The following NMNAT3 variants were observed in gnomAD, a reference collection of about 807,000 sequenced individuals.
NMNAT3 encodes the protein nicotinamide nucleotide adenylyltransferase 3.
In NMNAT3, 21 loss-of-function variants were observed where a neutral mutation model predicts 24.8. The ratio of observed to expected loss-of-function variants is 0.85; its 90% CI spans 0.60 to 1.22. The LOEUF is 1.22. Ranked by LOEUF, NMNAT3 falls within the 50% of genes most tolerant of loss-of-function variation. NMNAT3 has a pLI of 0.00. For synonymous variants in NMNAT3, 136 were observed against 155.2 expected (o/e 0.88, Z 0.92); for missense variants, 387 against 436.6 (o/e 0.89, Z 1.01).
chr3:139,596,939 TATATATATATATATATA>T (rs1478035885), intron 3 of NMNAT3, among the ~76,000 whole-genome samples: 1,492 of 111,072 alleles, frequency 0.013, 73 homozygotes, highest in African/African-American at 0.062. Context: ...TATATATATA[TATATATATATATATATA>T]TATATATATT....
chr3:139,662,253 C>A (rs1348580109), intron 1 of NMNAT3, among the ~76,000 whole-genome samples: 3 of 152,112 alleles, frequency 2.0e-5, no homozygotes, highest in African/African-American at 7.2e-5. Flanking sequence ...GTCTAAGAGG[C>A]TGGATCTGGA....
chr3:139,648,178 A>G (rs2056933604), intron 1 of NMNAT3, among the ~76,000 whole-genome samples: 1 of 152,156 alleles, frequency 6.6e-6, no homozygotes, highest in Non-Finnish European at 1.5e-5. Flanking sequence ...AGTTCTCACA[A>G]GATCTGATCA....
chr3:139,591,423 G>T (rs1413004953), intron 3 of NMNAT3, among the ~76,000 whole-genome samples: 3 of 152,102 alleles, frequency 2.0e-5, no homozygotes, highest in African/African-American at 7.2e-5. Flanking sequence ...GGCTTGCTTA[G>T]GTAAACAAAG....
At chr3:139,640,043 G>A (rs2056645448) in intron 1 of NMNAT3, among the ~76,000 whole-genome samples, 1 of 152,214 alleles carries the variant, frequency 6.6e-6, no homozygotes, top group Non-Finnish European at 1.5e-5. Context: ...AACAGAATCA[G>A]AAGAACCCCT....
chr3:139,622,775 T>C (rs2055848027), intron 3 of NMNAT3, among the ~76,000 whole-genome samples: 1 of 142,874 alleles, frequency 7.0e-6, no homozygotes, highest in South Asian at 2.1e-4. Flanking sequence ...ATATATCATA[T>C]ATATGATATA....
At chr3:139,640,367 A>G (rs1335728480) in intron 1 of NMNAT3, among the ~76,000 whole-genome samples, 2 of 152,198 alleles carry the variant, frequency 1.3e-5, no homozygotes, top group African/African-American at 4.8e-5. Flanking sequence ...ATTGCTGAGG[A>G]ATATAGGGTG....
chr3:139,572,476 G>A (rs1938549659), intron 6 of NMNAT3, among the ~76,000 whole-genome samples: 1 of 152,100 alleles, frequency 6.6e-6, no homozygotes, highest in African/African-American at 2.4e-5. Flanking sequence ...AATCCTCAGA[G>A]TGCTTATTAA....
At position 139,573,682 on chromosome 3, in the gene NMNAT3, T is replaced by C; in HGVS notation, c.576-2A>G. The C allele has an allele frequency of 6.3e-7, 1 of 1,579,978 alleles. No homozygotes were observed. ...CTGAGCAGTTTGCTGTGATGATGCC[T>C]GTGTTGTAAACATATGGGCTCAGGG... On this transcript the variant is annotated splice_acceptor_variant, in intron 5 of 6. Transcript: ENST00000643695. LOFTEE classifies it high-confidence loss of function.
At chr3:139,623,873 G>A (rs776995517) in intron 3 of NMNAT3, among the ~76,000 whole-genome samples, 1 of 152,106 alleles carries the variant, frequency 6.6e-6, no homozygotes, top group Non-Finnish European at 1.5e-5. Context: ...CACCATGCCC[G>A]GCCTATGCTA....
At chr3:139,621,581 A>C (rs2055775925) in intron 3 of NMNAT3, among the ~76,000 whole-genome samples, 1 of 152,168 alleles carries the variant, frequency 6.6e-6, no homozygotes, top group African/African-American at 2.4e-5. Context: ...CATGTTGGCC[A>C]GGTTGGTCTT....
chr3:139,573,636 C>T lies in NMNAT3; in HGVS notation c.620G>A (p.Gly207Asp). Residue 207 changes from glycine to aspartate, a missense_variant, in exon 6 of 7, where the codon GGC (glycine) becomes GAC (aspartate). This residue lies in a region of NMNAT3 where 323 missense variants were observed against 345.2 expected (regional missense o/e 0.94). Coordinates refer to ENST00000643695, the MANE Select transcript of NMNAT3 (RefSeq NM_001320510.2). Reference sequence around the variant, plus strand: ...GAAGAGTGCCTTGCCATGGTCTGGGCCTTCCATCTGGGGTGGAGATCTGAG... The same window carrying T: ...GAAGAGTGCCTTGCCATGGTCTGGGTCTTCCATCTGGGGTGGAGATCTGAG... 6.2e-7 allele frequency: 1 copy of T among 1,606,384 alleles called. No homozygotes were observed. Among genetic ancestry groups the T allele is most frequent in the South Asian group, 1.1e-5 (1 of 89,594 alleles).
intron 3 of NMNAT3, among the ~76,000 whole-genome samples, chr3:139,606,725 C>A (rs947721732): frequency 6.6e-6 from 1 of 152,076 alleles, no homozygotes; most frequent in Non-Finnish European, 1.5e-5. Context: ...AGTATTCTAC[C>A]GTAAGGAAGG....
chr3:139,604,649 C>T (rs892803212), intron 3 of NMNAT3, among the ~76,000 whole-genome samples: 1 of 152,176 alleles, frequency 6.6e-6, no homozygotes, highest in South Asian at 2.1e-4. Flanking sequence ...TTCCAGGGCC[C>T]ATGATCTTAA....
chr3:139,585,980 C>G (rs2053922426), intron 3 of NMNAT3, among the ~76,000 whole-genome samples: 1 of 152,186 alleles, frequency 6.6e-6, no homozygotes, highest in African/African-American at 2.4e-5. Context: ...GCTGCTGATT[C>G]AAAGCTTAAG....
chr3:139,658,017 A>G (rs1264092477), intron 1 of NMNAT3, among the ~76,000 whole-genome samples: 1 of 152,070 alleles, frequency 6.6e-6, no homozygotes, highest in Non-Finnish European at 1.5e-5. Flanking sequence ...AGGAACCCCA[A>G]CACACTCTAC....
chr3:139,619,104 C>A (rs552180111), intron 3 of NMNAT3, among the ~76,000 whole-genome samples: 1 of 152,280 alleles, frequency 6.6e-6, no homozygotes, highest in African/African-American at 2.4e-5. Flanking sequence ...TTGCACCTAG[C>A]GCCACAATCA....
intron 1 of NMNAT3, among the ~76,000 whole-genome samples, chr3:139,667,960 C>G (rs1200515504): frequency 1.3e-5 from 2 of 152,148 alleles, no homozygotes; most frequent in Non-Finnish European, 2.9e-5. Flanking sequence ...ACACAGATGT[C>G]TGGGTTATAG....
At chr3:139,659,240 C>T (rs1576769342) in intron 1 of NMNAT3, among the ~76,000 whole-genome samples, 1 of 152,220 alleles carries the variant, frequency 6.6e-6, no homozygotes, top group Admixed American at 6.5e-5. Context: ...GTTGCACTCA[C>T]TAGCATTAGG....
chr3:139,639,182 G>A (rs148575658), intron 1 of NMNAT3, among the ~76,000 whole-genome samples: 148 of 152,226 alleles, frequency 9.7e-4, no homozygotes, highest in Middle Eastern at 6.8e-3. Context: ...AGCTTCTTGA[G>A]GGCAAAGAAT....
Sources: gnomAD v4.1 joint callset for allele counts (sites outside exome capture counted in the v4.1 genomes callset) on GRCh38, gnomAD v4.1.1 for gene constraint, gnomAD v4.1.1 regional missense constraint, MANE v1.5 for transcripts, NCBI Gene and HGNC (gene_info 2026-07-23, HGNC 2026-07-21) for gene names.